Variants in FUT8 observed in about 807,000 individuals in gnomAD.
FUT8 encodes fucosyltransferase 8.
FUT8 carries 29 observed loss-of-function variants against 71.3 expected under a neutral mutation model. The ratio of observed to expected loss-of-function variants is 0.41; its 90% CI spans 0.30 to 0.55. The LOEUF (loss-of-function observed/expected upper bound fraction) is 0.55, where lower values mean the gene tolerates loss of function less well. FUT8 is among the 20% of genes least tolerant of loss of function. The pLI is 0.34. For missense variants in FUT8, 544 were observed against 702.1 expected (o/e 0.77, Z 2.55); for synonymous variants, 254 against 239.3 (o/e 1.06, Z -0.57).
At chr14:65,581,287 A>G (rs1248932315) in intron 3 of FUT8, among the ~76,000 whole-genome samples, 2 of 152,100 alleles carry the variant, frequency 1.3e-5, no homozygotes, top group Non-Finnish European at 2.9e-5. Context: ...TAACATTTTG[A>G]TATTTAAATT....
intron 1 of FUT8, among the ~76,000 whole-genome samples, chr14:65,449,530 A>G (rs2065790794): frequency 6.6e-6 from 1 of 152,246 alleles, no homozygotes. Flanking sequence ...AAAGGAAGCA[A>G]TATACCATTG....
chr14:65,389,393 C>T, the FUT8 span, among the ~76,000 whole-genome samples: 19,747 of 148,478 alleles, frequency 0.13, 1,973 homozygotes, highest in East Asian at 0.54. Context: ...TTTTTTGAGT[C>T]AGAGTCTCAC....
intron 7 of FUT8, among the ~76,000 whole-genome samples, chr14:65,711,190 A>G (rs1018143386): frequency 1.3e-5 from 2 of 149,246 alleles, no homozygotes; most frequent in Admixed American, 6.6e-5. Context: ...AAACAAGTGA[A>G]TGAATAAATG....
At chr14:65,460,688 T>C (rs1185955385) in intron 2 of FUT8, among the ~76,000 whole-genome samples, 1 of 152,102 alleles carries the variant, frequency 6.6e-6, no homozygotes, top group African/African-American at 2.4e-5. Context: ...TTGCTTATTG[T>C]GGTAAGGGAG....
At chr14:65,711,630 T>A (rs925344124) in intron 7 of FUT8, among the ~76,000 whole-genome samples, 5 of 152,186 alleles carry the variant, frequency 3.3e-5, no homozygotes, top group Admixed American at 3.3e-4. Context: ...ACAGCTTAAT[T>A]TAAAATGCAG....
intron 6 of FUT8, among the ~76,000 whole-genome samples, chr14:65,663,884 G>A (rs1722604175): frequency 6.6e-6 from 1 of 152,058 alleles, no homozygotes; most frequent in African/African-American, 2.4e-5. Context: ...GCAGATGTGA[G>A]TCTTCTTTTA....
intron 3 of FUT8, among the ~76,000 whole-genome samples, chr14:65,614,387 A>G (rs10130560): frequency 0.035 from 5,274 of 152,312 alleles, 139 homozygotes; most frequent in East Asian, 0.068. Context: ...CAATTTTGTA[A>G]AAGGATCAAT....
At chr14:65,379,394 G>A in the FUT8 span, among the ~76,000 whole-genome samples, 3 of 152,090 alleles carry the variant, frequency 2.0e-5, no homozygotes, top group Non-Finnish European at 4.4e-5. Flanking sequence ...AGCTGGGCAT[G>A]GTGGTGCACA....
At chr14:65,730,227 G>T (rs1214210997) in intron 9 of FUT8, among the ~76,000 whole-genome samples, 1 of 152,142 alleles carries the variant, frequency 6.6e-6, no homozygotes, top group Non-Finnish European at 1.5e-5. Context: ...ACAGTCAGAG[G>T]TATAGTGTTG....
At position 65,467,959 on chromosome 14, in the gene FUT8, C is replaced by A. The variant is rs1053101892; in HGVS notation, c.-228+12241C>A. On this transcript the variant is annotated intron_variant, in intron 2 of 10. Transcript: ENST00000673929. This position sits in a 1 kb window ranked among gnomAD's most constrained non-coding sequence, Gnocchi z 4.1. ...GCTTCTTTCTTTTTCCGATCATTTT[C>A]CTTTACGTGTTTCAGGAAGCTATTT... is the stretch of plus-strand genomic sequence containing the variant. 1.4e-5 allele frequency: 10 copies of A among 721,582 alleles called. No homozygotes were observed. In the East Asian group the frequency reaches 2.6e-4, roughly 19 times the overall value. The allele number at this position is 721,582 out of a possible 1,614,324, so 44.7% of individuals were successfully genotyped here.
At chr14:65,373,239 C>T in the FUT8 span, among the ~76,000 whole-genome samples, 1 of 151,630 alleles carries the variant, frequency 6.6e-6, no homozygotes, top group African/African-American at 2.4e-5. Context: ...CACCCTCAAG[C>T]TTGGACCTGC....
chr14:65,449,728 T>G (rs2065794086), intron 1 of FUT8, among the ~76,000 whole-genome samples: 2 of 152,222 alleles, frequency 1.3e-5, no homozygotes, highest in Admixed American at 6.5e-5. Context: ...AGCAGCCTCT[T>G]CTAGGCTGTC....
In FUT8 at chr14:65,413,035, G is replaced by C. The variant is rs1435112473; in HGVS notation, c.-505G>C. The C allele has an allele frequency of 6.5e-6, 1 of 153,120 alleles. No homozygotes were observed. The highest frequency in any genetic ancestry group is 1.5e-5 in the Non-Finnish European group (1 of 68,424). The allele number at this position is 153,120 out of a possible 1,614,324, so 9.5% of individuals were successfully genotyped here. A position where few individuals can be genotyped will look rare whatever the true frequency, so the allele number is the denominator to read the frequency against. On this transcript the variant is annotated 5_prime_UTR_variant, in exon 1 of 11. Transcript: ENST00000673929. The surrounding 1 kb of genome is among the most constrained non-coding windows in gnomAD (Gnocchi z 4.1). ...TCTGCCTCAGTCAGTGGCGCCGAAGGCTCCGTTAAGCGGCGGCGGCGGTTC... is the reference window on the plus strand; with the variant it reads ...TCTGCCTCAGTCAGTGGCGCCGAAGCCTCCGTTAAGCGGCGGCGGCGGTTC...
chr14:65,730,309 C>T (rs1256124255), intron 9 of FUT8, among the ~76,000 whole-genome samples: 1 of 152,166 alleles, frequency 6.6e-6, no homozygotes, highest in Non-Finnish European at 1.5e-5. Context: ...GCTTTATACA[C>T]ATAGCTTCTG....
At chr14:65,581,489 C>A (rs551301335) in intron 3 of FUT8, among the ~76,000 whole-genome samples, 97 of 152,172 alleles carry the variant, frequency 6.4e-4, no homozygotes, top group African/African-American at 2.2e-3. Flanking sequence ...AACTATTCAG[C>A]ACCTTCTATT....
At chr14:65,492,758 A>G (rs1354658707) in intron 2 of FUT8, among the ~76,000 whole-genome samples, 1 of 152,174 alleles carries the variant, frequency 6.6e-6, no homozygotes, top group Non-Finnish European at 1.5e-5. Context: ...TCTATAATAT[A>G]TGACAGAATA....
the FUT8 span, among the ~76,000 whole-genome samples, chr14:65,403,748 T>G: frequency 6.6e-6 from 1 of 152,136 alleles, no homozygotes; most frequent in Admixed American, 6.5e-5. Context: ...ATTTTTTTTT[T>G]TTTTTTTGGC....
intron 7 of FUT8, among the ~76,000 whole-genome samples, chr14:65,691,720 C>T (rs1188051909): frequency 6.6e-6 from 1 of 151,744 alleles, no homozygotes; most frequent in African/African-American, 2.4e-5. Context: ...ACAAAGGTCT[C>T]TGGTTTTCCT....
rs1298231517 is a variant in FUT8, at chr14:65,692,809, C to T, written c.835+23329C>T. On this transcript the variant is annotated intron_variant, in intron 7 of 10. Coordinates refer to ENST00000673929, the MANE Select transcript of FUT8 (RefSeq NM_001371533.1). ...CTCAGAGGGGGCGGCCGGGCAGAGACGCTCCTCACCTCCCAGACGGGGTCA... is the reference window on the plus strand; with the variant it reads ...CTCAGAGGGGGCGGCCGGGCAGAGATGCTCCTCACCTCCCAGACGGGGTCA... Among the ~76,000 whole-genome samples, 29 of 149,756 alleles carry T rather than the reference C, an allele frequency of 1.9e-4. No homozygotes were observed. In the East Asian group the frequency reaches 3.2e-3, roughly 17 times the overall value.
Sources: gnomAD v4.1 joint callset for allele counts (sites outside exome capture counted in the v4.1 genomes callset) on GRCh38, gnomAD v4.1.1 for gene constraint, Gnocchi (gnomAD v3.1) non-coding constraint, MANE v1.5 for transcripts, NCBI Gene and HGNC (gene_info 2026-07-23, HGNC 2026-07-21) for gene names.